PVT1: variants seen among roughly 807,000 people sequenced by gnomAD.
PVT1 encodes CXCR4/PVT1 fusion.
intron 2 of PVT1, among the ~76,000 whole-genome samples, chr8:127,886,608 T>A (rs984650126): frequency 1.3e-5 from 2 of 148,344 alleles, no homozygotes; most frequent in African/African-American, 5.1e-5. Flanking sequence ...ATGGATCCAA[T>A]TGATTGTTTC....
At chr8:127,971,264 C>A (rs754744178) in intron 3 of PVT1, among the ~76,000 whole-genome samples, 1 of 152,236 alleles carries the variant, frequency 6.6e-6, no homozygotes, top group Non-Finnish European at 1.5e-5. Context: ...CAGCCAGTCC[C>A]TACACAGCTG....
chr8:128,032,826 T>C (rs191233282), intron 4 of PVT1, among the ~76,000 whole-genome samples: 1 of 152,278 alleles, frequency 6.6e-6, no homozygotes, highest in East Asian at 1.9e-4. Flanking sequence ...GTTCTTATGG[T>C]GAAAAGCACA....
At chr8:127,866,106 TCCTGC>T (rs1179763540) in intron 2 of PVT1, among the ~76,000 whole-genome samples, 1 of 152,184 alleles carries the variant, frequency 6.6e-6, no homozygotes, top group African/African-American at 2.4e-5. Flanking sequence ...CCCCTTCCTC[TCCTGC>T]CCTGCTGTTT....
chr8:127,998,590 TTTTC>T (rs1817134988), intron 4 of PVT1, among the ~76,000 whole-genome samples: 4 of 147,070 alleles, frequency 2.7e-5, no homozygotes, highest in Admixed American at 2.7e-4. Context: ...CCCTCTTTTC[TTTTC>T]TTTTTTCTTT....
intron 2 of PVT1, among the ~76,000 whole-genome samples, chr8:127,815,169 G>A (rs948262459): frequency 1.3e-5 from 2 of 152,118 alleles, no homozygotes; most frequent in Non-Finnish European, 2.9e-5. Context: ...GCTTCGCCAT[G>A]TTGGCCAGGC....
chr8:127,846,979 C>A lies in PVT1; in HGVS notation n.373-43610C>A, dbSNP rs1382455140. Among the ~76,000 whole-genome samples, 3 of 115,496 alleles carry A rather than the reference C, an allele frequency of 2.6e-5. No individual in the cohort carries two copies. In the East Asian group the frequency reaches 6.6e-4, roughly 26 times the overall value. 75.8% of individuals were successfully genotyped at this position (115,496 alleles called of 152,430 possible). The stretch of plus-strand genomic sequence containing the variant: ...TACAAGCGTGAGCCATTGCACATGG[C>A]CTTTTTTTTTTTTTTTTTTTTTTGT... On this transcript the variant is annotated intron_variant and non_coding_transcript_variant, in intron 2 of 10. Transcript: ENST00000651587.
At chr8:127,986,032 T>C (rs926794437) in intron 3 of PVT1, among the ~76,000 whole-genome samples, 1 of 152,166 alleles carries the variant, frequency 6.6e-6, no homozygotes, top group Non-Finnish European at 1.5e-5. Context: ...AGTCAATGTG[T>C]GTTATACCCT....
chr8:128,036,529 G>A (rs1281105636), intron 4 of PVT1, among the ~76,000 whole-genome samples: 2 of 152,162 alleles, frequency 1.3e-5, no homozygotes, highest in Non-Finnish European at 2.9e-5. Context: ...AGGAGGCAGG[G>A]GTGCCCGAGA....
At chr8:127,801,078 T>G in intron 2 of PVT1, among the ~76,000 whole-genome samples, 1 of 151,300 alleles carries the variant, frequency 6.6e-6, no homozygotes, top group Non-Finnish European at 1.5e-5. Context: ...CCTGTGGGGG[T>G]GAGGAGCAGC....
intron 3 of PVT1, among the ~76,000 whole-genome samples, chr8:127,952,616 C>CT (rs1816518064): frequency 6.6e-6 from 1 of 152,164 alleles, no homozygotes; most frequent in Non-Finnish European, 1.5e-5. Flanking sequence ...TGTGCTAAGT[C>CT]TTTTTTCTCC....
chr8:127,817,419 TAG>T (rs1312548872), intron 2 of PVT1, among the ~76,000 whole-genome samples: 6 of 98,582 alleles, frequency 6.1e-5, no homozygotes, highest in Admixed American at 5.7e-4. Flanking sequence ...TATATTTAAA[TAG>T]ATATATATAT....
intron 4 of PVT1, among the ~76,000 whole-genome samples, chr8:128,065,859 T>C (rs939186119): frequency 2.6e-5 from 4 of 152,218 alleles, no homozygotes; most frequent in Non-Finnish European, 5.9e-5. Flanking sequence ...TGTGGAACCT[T>C]TCGTTCATTC....
chr8:127,851,222 A>G (rs1245452806), intron 2 of PVT1, among the ~76,000 whole-genome samples: 1 of 152,134 alleles, frequency 6.6e-6, no homozygotes, highest in Non-Finnish European at 1.5e-5. Context: ...TGTTTGTCAC[A>G]TGGCCTGCTC....
In PVT1 at chr8:127,871,238, C is replaced by T. The variant is rs1815348669; in HGVS notation, n.373-19351C>T. Among the ~76,000 whole-genome samples, 3 of 152,234 alleles carry T rather than the reference C, an allele frequency of 2.0e-5. 1 individual carries two copies. In the South Asian group the frequency reaches 6.2e-4, roughly 32 times the overall value. ...ACAGGGACACTGCGTATAAGTGACA[C>T]TCCTCCACATTTTGGCCTGGAGTTA... is the stretch of plus-strand genomic sequence containing the variant. On this transcript the variant is annotated intron_variant and non_coding_transcript_variant, in intron 2 of 10. Coordinates refer to ENST00000651587, the Ensembl canonical transcript of PVT1.
At chr8:128,011,956 A>C (rs534422576) in intron 4 of PVT1, among the ~76,000 whole-genome samples, 24 of 152,198 alleles carry the variant, frequency 1.6e-4, no homozygotes, top group Non-Finnish European at 3.2e-4. Context: ...GGTGGGGCTG[A>C]AAGGATCCAA....
chr8:127,845,722 AG>A (rs1384061895), intron 2 of PVT1, among the ~76,000 whole-genome samples: 6 of 152,220 alleles, frequency 3.9e-5, no homozygotes, highest in Non-Finnish European at 8.8e-5. Context: ...TGAACTGCCC[AG>A]GGTGTCTCTG....
At chr8:127,847,474 A>G (rs1815048698) in intron 2 of PVT1, among the ~76,000 whole-genome samples, 1 of 152,196 alleles carries the variant, frequency 6.6e-6, no homozygotes, top group Non-Finnish European at 1.5e-5. Flanking sequence ...GGACATTGGG[A>G]TATTTCCCCT....
intron 2 of PVT1, among the ~76,000 whole-genome samples, chr8:127,849,754 G>GCGCCCC (rs1815084045): frequency 8.5e-6 from 1 of 118,152 alleles, no homozygotes; most frequent in Non-Finnish European, 1.7e-5. Flanking sequence ...ATGTGTGTGT[G>GCGCCCC]TGCCCCTGCG....
chr8:128,026,296 C>G (rs139271470), intron 4 of PVT1, among the ~76,000 whole-genome samples: 17 of 150,682 alleles, frequency 1.1e-4, no homozygotes, highest in African/African-American at 3.5e-4. Context: ...TTTAAGAAGA[C>G]TTTTTATTTT....
Sources: gnomAD v4.1 joint callset for allele counts (sites outside exome capture counted in the v4.1 genomes callset) on GRCh38, gnomAD v4.1.1 for gene constraint, MANE v1.5 for transcripts, NCBI Gene and HGNC (gene_info 2026-07-23, HGNC 2026-07-21) for gene names.